ROBO1: variants seen among roughly 807,000 people sequenced by gnomAD.
ROBO1 encodes the protein roundabout homolog 1.
Under a neutral mutation model 195.9 loss-of-function variants are expected in ROBO1, and 149 were observed. That is an observed-to-expected ratio of 0.76 (90% CI 0.67 to 0.87). ROBO1 has a LOEUF of 0.87. Ranked by LOEUF, ROBO1 falls within the 40% of genes least tolerant of loss-of-function variation. The pLI is 0.00. For missense variants in ROBO1, 1,933 were observed against 2,068.3 expected, an observed-to-expected ratio of 0.93 and a Z score of 1.27; for synonymous variants, 816 against 733.2, an observed-to-expected ratio of 1.11 and a Z score of -1.82.
chr3:78,714,505 G>T lies in ROBO1; in HGVS notation c.937C>A (p.His313Asn). 6.2e-7 allele frequency: 1 copy of T among 1,610,926 alleles called. No individual in the cohort carries two copies. Among genetic ancestry groups the T allele is most frequent in the Non-Finnish European group, 8.5e-7 (1 of 1,178,662 alleles). ...PKSRYEIRDD[H>N]TLKIRKVTAG... The stretch of plus-strand genomic sequence containing the variant: ...GTCACCTTCCTAATTTTCAAGGTAT[G>T]ATCATCTCGGATTTCATATCTAATG... The change falls in exon 8 of 31, where the codon CAT becomes AAT. Residue 313 changes from histidine to asparagine, a missense_variant. This residue lies in a region of ROBO1 where 1,737 missense variants were observed against 1,882.5 expected (regional missense o/e 0.92). Coordinates refer to ENST00000464233, the MANE Select transcript of ROBO1 (RefSeq NM_002941.4).
At chr3:79,057,368 G>A (rs1424515433) in intron 3 of ROBO1, among the ~76,000 whole-genome samples, 1 of 151,904 alleles carries the variant, frequency 6.6e-6, no homozygotes, top group African/African-American at 2.4e-5. Context: ...CCCTGTCTGG[G>A]TGCCCACTAG....
chr3:78,700,408 T>C (rs1266277039), intron 8 of ROBO1, among the ~76,000 whole-genome samples: 1 of 152,184 alleles, frequency 6.6e-6, no homozygotes, highest in Non-Finnish European at 1.5e-5. Flanking sequence ...TATCTTTAAA[T>C]GGCATATTTC....
chr3:79,564,806 GA>G (rs1185540830), intron 2 of ROBO1, among the ~76,000 whole-genome samples: 1 of 151,932 alleles, frequency 6.6e-6, no homozygotes. Flanking sequence ...TTTAGAATTT[GA>G]TAATTAAAGG....
chr3:79,349,581 C>T (rs1297571720), intron 2 of ROBO1, among the ~76,000 whole-genome samples: 8 of 152,096 alleles, frequency 5.3e-5, no homozygotes, highest in African/African-American at 1.7e-4. Context: ...ACCTCCAAAG[C>T]AACAGTAATC....
intron 2 of ROBO1, among the ~76,000 whole-genome samples, chr3:79,256,504 G>A (rs1233509321): frequency 2.6e-5 from 4 of 152,094 alleles, no homozygotes; most frequent in Non-Finnish European, 5.9e-5. Flanking sequence ...GGAAAAATAA[G>A]AATGTCAATA....
intron 2 of ROBO1, among the ~76,000 whole-genome samples, chr3:79,194,326 A>G (rs1308099313): frequency 1.3e-5 from 2 of 151,704 alleles, no homozygotes; most frequent in Non-Finnish European, 1.5e-5. Context: ...GCACACTTCC[A>G]GTGTGGGCAG....
At chr3:79,752,643 A>G (rs973481065) in intron 1 of ROBO1, among the ~76,000 whole-genome samples, 1 of 152,134 alleles carries the variant, frequency 6.6e-6, no homozygotes, top group Non-Finnish European at 1.5e-5. Context: ...TTGAAAGAGC[A>G]GCACAGCTGA....
chr3:79,446,349 CTAAAA>C (rs1207939180), intron 2 of ROBO1, among the ~76,000 whole-genome samples: 2 of 151,936 alleles, frequency 1.3e-5, no homozygotes, highest in Admixed American at 6.6e-5. Flanking sequence ...ATCATCTTTC[CTAAAA>C]TAAATGTCTG....
chr3:78,794,062 T>G (rs1430665107), intron 4 of ROBO1, among the ~76,000 whole-genome samples: 3 of 152,172 alleles, frequency 2.0e-5, no homozygotes. Flanking sequence ...GACCTACACT[T>G]TATTTTTAAT....
rs540394857 is a variant in ROBO1 at position 79,656,369 on chromosome 3, G to A, written c.-50-66408C>T. 3.3e-5 allele frequency among the ~76,000 whole-genome samples: 5 copies of A among 151,920 alleles called. No homozygotes were observed. The South Asian group carries it at 1.0e-3, about 32-fold the overall frequency. On this transcript the variant is annotated intron_variant, in intron 1 of 30. Coordinates refer to ENST00000464233, the MANE Select transcript of ROBO1 (RefSeq NM_002941.4). ...GGAAAGAAACTATAAAGATTTGAAG[G>A]TATTACATAAGCTTTAAAAATATTT...
At chr3:79,577,807 G>C (rs963962237) in intron 2 of ROBO1, among the ~76,000 whole-genome samples, 3 of 151,608 alleles carry the variant, frequency 2.0e-5, no homozygotes, top group Non-Finnish European at 4.4e-5. Context: ...TGCTACTCAA[G>C]AGGCTGATGC....
chr3:79,153,804 T>C (rs2080813381), intron 2 of ROBO1, among the ~76,000 whole-genome samples: 1 of 149,968 alleles, frequency 6.7e-6, no homozygotes. Flanking sequence ...TCAGATATAC[T>C]GAACTAGGTT....
chr3:78,654,023 T>C (rs903219094), intron 18 of ROBO1, among the ~76,000 whole-genome samples: 1 of 152,232 alleles, frequency 6.6e-6, no homozygotes, highest in African/African-American at 2.4e-5. Context: ...TGCTTTAAGA[T>C]AGAAAGATTT....
intron 4 of ROBO1, among the ~76,000 whole-genome samples, chr3:78,764,130 C>T (rs541054842): frequency 6.6e-6 from 1 of 152,128 alleles, no homozygotes; most frequent in Non-Finnish European, 1.5e-5. Context: ...TTCATGTATT[C>T]TACTGTTTTG....
intron 3 of ROBO1, among the ~76,000 whole-genome samples, chr3:78,944,770 A>G (rs2040327818): frequency 6.6e-6 from 1 of 152,172 alleles, no homozygotes; most frequent in Non-Finnish European, 1.5e-5. Context: ...TAGTCAAAGA[A>G]AGGGGTGACA....
At chr3:79,649,216 C>T (rs1228061913) in intron 1 of ROBO1, among the ~76,000 whole-genome samples, 3 of 151,794 alleles carry the variant, frequency 2.0e-5, no homozygotes, top group South Asian at 2.1e-4. Context: ...AATATTTTAG[C>T]GGGCAAGAAA....
At chr3:79,587,427 C>T (rs1364704395) in intron 2 of ROBO1, among the ~76,000 whole-genome samples, 2 of 151,760 alleles carry the variant, frequency 1.3e-5, no homozygotes, top group Middle Eastern at 3.2e-3. Flanking sequence ...CCTGTAGACA[C>T]CTTGGCTGAT....
In ROBO1 at chr3:79,235,057, C is replaced by G. The variant is rs117243702; in HGVS notation, c.89-109518G>C. On this transcript the variant is annotated intron_variant, in intron 2 of 30. Transcript: ENST00000464233. ...CTAAGTTCAAACCTTCATTCTTACC[C>G]ATTTTTGAAACTCAGGTAGAACTTT... is the stretch of plus-strand genomic sequence containing the variant. 2.3e-3 allele frequency among the ~76,000 whole-genome samples: 346 copies of G among 152,168 alleles called. 11 individuals carry two copies. The East Asian group carries it at 0.063, about 28-fold the overall frequency.
chr3:79,399,768 C>A (rs539050769), intron 2 of ROBO1, among the ~76,000 whole-genome samples: 2 of 152,042 alleles, frequency 1.3e-5, no homozygotes, highest in African/African-American at 4.8e-5. Context: ...TTGCGTTGAG[C>A]GTAAATGAAA....
Sources: allele counts gnomAD v4.1 joint callset (sites outside exome capture counted in the v4.1 genomes callset), GRCh38; gene constraint gnomAD v4.1.1; regional missense constraint gnomAD v4.1.1; transcripts MANE v1.5; gene names NCBI Gene and HGNC (gene_info 2026-07-23, HGNC 2026-07-21).